The following PTPRT variants were observed in gnomAD, a reference collection of about 807,000 sequenced individuals.
The protein encoded by PTPRT is protein tyrosine phosphatase receptor type T.
In PTPRT, 56 loss-of-function variants were observed where a neutral mutation model predicts 176.8. That is an observed-to-expected ratio of 0.32 (90% CI 0.26 to 0.40). The LOEUF is 0.40. Ranked by LOEUF, PTPRT falls within the 10% of genes least tolerant of loss-of-function variation. The pLI is 1.00. For missense variants in PTPRT, 1,540 were observed against 1,908.2 expected, an observed-to-expected ratio of 0.81 and a Z score of 3.60; for synonymous variants, 783 against 739.0, an observed-to-expected ratio of 1.06 and a Z score of -0.96.
At chr20:42,171,562 A>T (rs1343849144) in intron 16 of PTPRT, among the ~76,000 whole-genome samples, 1 of 152,112 alleles carries the variant, frequency 6.6e-6, no homozygotes, top group Non-Finnish European at 1.5e-5. Context: ...ATTTTAAGCG[A>T]ATGTGTATGT....
At chr20:42,354,270 G>A (rs1487621971) in intron 9 of PTPRT, among the ~76,000 whole-genome samples, 1 of 152,154 alleles carries the variant, frequency 6.6e-6, no homozygotes, top group Non-Finnish European at 1.5e-5. Context: ...AGTTTTGCCA[G>A]TTTTTGCACT....
intron 1 of PTPRT, among the ~76,000 whole-genome samples, chr20:43,129,419 G>A (rs888444345): frequency 6.6e-6 from 1 of 152,070 alleles, no homozygotes. Context: ...TTTCCAGTTT[G>A]TGCACATCGC....
At chr20:42,189,284 C>T (rs1990900064) in intron 16 of PTPRT, among the ~76,000 whole-genome samples, 1 of 152,198 alleles carries the variant, frequency 6.6e-6, no homozygotes, top group Admixed American at 6.5e-5. Context: ...CATCTCCTTA[C>T]ATCGTATTTT....
chr20:42,786,417 C>T (rs974219787), intron 3 of PTPRT, among the ~76,000 whole-genome samples: 2 of 152,144 alleles, frequency 1.3e-5, no homozygotes, highest in South Asian at 4.1e-4. Context: ...TCAGAAAGTG[C>T]AAGCTATTTT....
At chr20:42,194,603 A>C (rs1991128308) in intron 16 of PTPRT, among the ~76,000 whole-genome samples, 1 of 152,238 alleles carries the variant, frequency 6.6e-6, no homozygotes, top group Non-Finnish European at 1.5e-5. Context: ...CACCAGAAGA[A>C]AGACCCAGAA....
Position 42,874,044 on chromosome 20 carries a change from C to A in PTPRT, c.214+11763G>T, listed in dbSNP as rs172303. On this transcript the variant is annotated intron_variant, in intron 2 of 30. Coordinates refer to ENST00000373187, the MANE Select transcript of PTPRT (RefSeq NM_007050.6). Reference sequence around the variant, plus strand: ...CATTTAAAAATGAAAGGTTCACTTGCAGGAGCTCTAGCCCCTGCAGCAGCC... The same window carrying A: ...CATTTAAAAATGAAAGGTTCACTTGAAGGAGCTCTAGCCCCTGCAGCAGCC... Among the ~76,000 whole-genome samples the A allele has an allele frequency of 2.0e-4, 30 of 152,056 alleles. 2 individuals carry two copies. In the South Asian group the frequency reaches 6.2e-3, roughly 32 times the overall value.
intron 25 of PTPRT, among the ~76,000 whole-genome samples, chr20:42,103,697 T>C (rs1007815421): frequency 2.0e-5 from 3 of 152,190 alleles, no homozygotes; most frequent in Non-Finnish European, 4.4e-5. Context: ...ACCACACTTT[T>C]AGCAGTAAGA....
intron 7 of PTPRT, among the ~76,000 whole-genome samples, chr20:42,559,884 G>A (rs2072922752): frequency 6.6e-6 from 1 of 152,194 alleles, no homozygotes; most frequent in Non-Finnish European, 1.5e-5. Flanking sequence ...CAAGCCGGGT[G>A]GGAGGTGAGA....
At chr20:42,153,997 C>T (rs1989243621) in intron 17 of PTPRT, among the ~76,000 whole-genome samples, 1 of 152,158 alleles carries the variant, frequency 6.6e-6, no homozygotes, top group Non-Finnish European at 1.5e-5. Context: ...CCTATAATGG[C>T]CTATTGTCTT....
At chr20:42,755,221 C>A (rs1240502217) in intron 6 of PTPRT, among the ~76,000 whole-genome samples, 1 of 152,050 alleles carries the variant, frequency 6.6e-6, no homozygotes, top group Non-Finnish European at 1.5e-5. Flanking sequence ...TGTATGAAGT[C>A]AAGACAGCCA....
intron 7 of PTPRT, among the ~76,000 whole-genome samples, chr20:42,656,627 C>T (rs1470360500): frequency 1.3e-5 from 2 of 152,118 alleles, no homozygotes; most frequent in Non-Finnish European, 2.9e-5. Context: ...CTTGAAAATG[C>T]TCACTGACCC....
In PTPRT at chr20:42,827,449, A is replaced by G. The variant is rs117541169; in HGVS notation, c.215-35983T>C. On this transcript the variant is annotated intron_variant, in intron 2 of 30. Coordinates refer to ENST00000373187, the MANE Select transcript of PTPRT (RefSeq NM_007050.6). The stretch of plus-strand genomic sequence containing the variant: ...AAAATTAAACAATATGCCCCTGAAT[A>G]AGTTTTGGATAAAAAAAAGAAATTA... Among the ~76,000 whole-genome samples, 3 of 152,344 alleles carry G rather than the reference A, an allele frequency of 2.0e-5. No individual in the cohort carries two copies. The East Asian group carries it at 5.8e-4, about 29-fold the overall frequency.
chr20:42,538,643 G>A (rs1335607985), intron 7 of PTPRT, among the ~76,000 whole-genome samples: 1 of 152,132 alleles, frequency 6.6e-6, no homozygotes, highest in Non-Finnish European at 1.5e-5. Flanking sequence ...TCAGTACAGA[G>A]ACAGTGAGAC....
chr20:42,091,168 G>A (rs952490641), intron 27 of PTPRT, among the ~76,000 whole-genome samples: 2 of 152,224 alleles, frequency 1.3e-5, no homozygotes, highest in Non-Finnish European at 2.9e-5. Flanking sequence ...CCAAGCAAAG[G>A]TTGTGAAGCC....
At chr20:42,390,129 T>A (rs953123763) in intron 9 of PTPRT, among the ~76,000 whole-genome samples, 2 of 152,162 alleles carry the variant, frequency 1.3e-5, no homozygotes, top group African/African-American at 2.4e-5. Context: ...CCCAATTGTA[T>A]CCTCAGCAGC....
chr20:42,433,537 T>C (rs2059234766), intron 9 of PTPRT, among the ~76,000 whole-genome samples: 2 of 152,240 alleles, frequency 1.3e-5, no homozygotes, highest in South Asian at 4.1e-4. Flanking sequence ...ATGCCCTGAT[T>C]GATTATTGAT....
chr20:42,621,505 T>C (rs974384736), intron 7 of PTPRT, among the ~76,000 whole-genome samples: 2 of 152,202 alleles, frequency 1.3e-5, no homozygotes, highest in African/African-American at 2.4e-5. Context: ...TCTCCTGCCA[T>C]GGATTCCTCC....
intron 1 of PTPRT, among the ~76,000 whole-genome samples, chr20:42,993,436 G>A (rs1357674864): frequency 9.6e-6 from 1 of 104,116 alleles, no homozygotes; most frequent in African/African-American, 5.9e-5. Flanking sequence ...AAAAAAGTAT[G>A]TGTGTATATA....
rs184682102 is a variant in PTPRT, at chr20:42,174,922, C to T, written c.2492-13380G>A. 4.6e-5 allele frequency among the ~76,000 whole-genome samples: 7 copies of T among 152,256 alleles called. No individual in the cohort carries two copies. The East Asian group carries it at 1.4e-3, about 29-fold the overall frequency. On this transcript the variant is annotated intron_variant, in intron 16 of 30. Coordinates refer to ENST00000373187, the MANE Select transcript of PTPRT (RefSeq NM_007050.6). ...TGATTTATAATTGTTAGAAGCTCAA[C>T]ACATCAGAGGTTATAATTGTTAGAA...
Sources: gnomAD v4.1 joint callset for allele counts (sites outside exome capture counted in the v4.1 genomes callset) on GRCh38, gnomAD v4.1.1 for gene constraint, MANE v1.5 for transcripts, NCBI Gene and HGNC (gene_info 2026-07-23, HGNC 2026-07-21) for gene names.